Variants in DNAJC6 observed in about 807,000 individuals in gnomAD.
DNAJC6 encodes auxilin.
A neutral mutation model predicts 110.0 loss-of-function variants in DNAJC6; 34 were observed. The observed-to-expected ratio is 0.31, with a 90% CI of 0.24 to 0.41. The LOEUF is 0.41. DNAJC6 is among the 10% of genes least tolerant of loss of function. DNAJC6 has a pLI of 1.00. For missense variants in DNAJC6, 1,031 were observed against 1,207.8 expected, an observed-to-expected ratio of 0.85 and a Z score of 2.17; for synonymous variants, 406 against 437.2, an observed-to-expected ratio of 0.93 and a Z score of 0.89.
At chr1:65,360,380 G>A (rs575408103) in intron 1 of DNAJC6, among the ~76,000 whole-genome samples, 19 of 152,292 alleles carry the variant, frequency 1.2e-4, no homozygotes, top group African/African-American at 4.3e-4. Context: ...CTGAGGGATG[G>A]TGAGAGTCTG....
chr1:65,393,754 C>T (rs78763695), intron 12 of DNAJC6, among the ~76,000 whole-genome samples: 2 of 152,264 alleles, frequency 1.3e-5, no homozygotes, highest in East Asian at 3.9e-4. Context: ...GATGACTTCA[C>T]ATTAGGAAGG....
chr1:65,413,368 T>C lies in DNAJC6; in HGVS notation c.*343T>C. ...TGAAGGCATAACACCCATCACATTGTCTGAGAATAGGATTAATGAGCAAAA... is the reference window on the plus strand; with the variant it reads ...TGAAGGCATAACACCCATCACATTGCCTGAGAATAGGATTAATGAGCAAAA... On this transcript the variant is annotated 3_prime_UTR_variant, in exon 19 of 19. Coordinates refer to ENST00000371069, the MANE Select transcript of DNAJC6 (RefSeq NM_001256864.2). The C allele has an allele frequency of 5.1e-6, 1 of 194,876 alleles. No individual in the cohort carries two copies. The highest frequency in any genetic ancestry group is 1.0e-5 in the Non-Finnish European group (1 of 95,254). 12.1% of individuals were successfully genotyped at this position (194,876 alleles called of 1,614,324 possible).
At chr1:65,371,520 A>G (rs1192843983) in intron 4 of DNAJC6, among the ~76,000 whole-genome samples, 3 of 152,200 alleles carry the variant, frequency 2.0e-5, no homozygotes, top group Non-Finnish European at 4.4e-5. Flanking sequence ...GATTGACTGA[A>G]TTATCCCCAT....
chr1:65,325,156 C>G (rs901160883), intron 1 of DNAJC6, among the ~76,000 whole-genome samples: 1 of 152,166 alleles, frequency 6.6e-6, no homozygotes, highest in Non-Finnish European at 1.5e-5. Context: ...TGGAGGCAGC[C>G]GAGGTCCTAG....
Position 65,392,378 on chromosome 1 carries a change from C to A in DNAJC6, c.1469-53C>A, listed in dbSNP as rs372341995. The stretch of plus-strand genomic sequence containing the variant: ...TATATACATATATTATAACAAAAAC[C>A]AACAATGCTGTGGTCAGCAACTAAT... On this transcript the variant is annotated intron_variant, in intron 11 of 18. Transcript: ENST00000371069. 2.1e-5 allele frequency: 31 copies of A among 1,478,442 alleles called. No homozygotes were observed. The South Asian group carries it at 3.9e-4, about 19-fold the overall frequency. The allele number at this position is 1,478,442 out of a possible 1,614,324, so 91.6% of individuals were successfully genotyped here.
chr1:65,312,445 T>C (rs1006222393), intron 1 of DNAJC6, among the ~76,000 whole-genome samples: 2 of 152,180 alleles, frequency 1.3e-5, no homozygotes, highest in Non-Finnish European at 2.9e-5. Context: ...AATATATCCA[T>C]TTGTTTAGTA....
chr1:65,351,456 A>AT (rs1246735345), intron 1 of DNAJC6, among the ~76,000 whole-genome samples: 1 of 152,224 alleles, frequency 6.6e-6, no homozygotes, highest in Admixed American at 6.5e-5. Flanking sequence ...TAAAGTAGAT[A>AT]TAAAGTATTC....
At chr1:65,311,157 C>T (rs551498428) in intron 1 of DNAJC6, among the ~76,000 whole-genome samples, 10 of 144,264 alleles carry the variant, frequency 6.9e-5, no homozygotes, top group South Asian at 4.5e-4. Context: ...GGGACATTCT[C>T]TTAGACCATT....
upstream of DNAJC6, among the ~76,000 whole-genome samples, chr1:65,308,395 T>TA (rs1440710033): frequency 2.6e-5 from 4 of 152,222 alleles, no homozygotes; most frequent in African/African-American, 9.6e-5. Context: ...AACCAAGACT[T>TA]ACTTGATCTT....
rs200535972 is a variant in DNAJC6, at chr1:65,366,048, T to C, written c.395T>C (p.Val132Ala). ...TCTTTCTGTGTGATCTCTCTCCTAGTGATGTCCTTTCCTCTGGACAATGTT... is the reference window on the plus strand; with the variant it reads ...TCTTTCTGTGTGATCTCTCTCCTAGCGATGTCCTTTCCTCTGGACAATGTT... Reference protein sequence around the residue: ...DFTYVTSRIIVMSFPLDNVDI... With the variant: ...DFTYVTSRIIAMSFPLDNVDI... The change falls in exon 4 of 19, where the codon GTG becomes GCG. Residue 132 changes from valine to alanine, a missense_variant and splice_region_variant. Physicochemically the swap from Val to Ala is moderately conservative, Grantham distance 64 (BLOSUM62 0). Coordinates refer to ENST00000371069, the MANE Select transcript of DNAJC6 (RefSeq NM_001256864.2). 7 of 1,613,844 alleles carry C rather than the reference T, an allele frequency of 4.3e-6. No individual in the cohort carries two copies. Among genetic ancestry groups the C allele is most frequent in the Non-Finnish European group, 8.5e-7 (1 of 1,179,786 alleles).
chr1:65,283,300 A>AC (rs1339283211), intron 1 of DNAJC6, among the ~76,000 whole-genome samples: 1 of 151,846 alleles, frequency 6.6e-6, no homozygotes, highest in Non-Finnish European at 1.5e-5. Flanking sequence ...CTTTATGGCC[A>AC]CCTCCATTTC....
intron 1 of DNAJC6, among the ~76,000 whole-genome samples, chr1:65,320,724 G>A (rs1051327672): frequency 6.6e-6 from 1 of 152,198 alleles, no homozygotes; most frequent in Non-Finnish European, 1.5e-5. Flanking sequence ...TGCATGAGCA[G>A]TGAACAAAGA....
intron 6 of DNAJC6, 108 bp from the exon 7 acceptor site, chr1:65,385,604 A>C: frequency 2.1e-6 from 2 of 962,330 alleles, no homozygotes; most frequent in Non-Finnish European, 2.9e-6. Flanking sequence ...TGATAGAATA[A>C]GTTTTTATTA....
At chr1:65,384,138 G>A in intron 5 of DNAJC6, 55 bp from the exon 6 acceptor site, 1 of 1,359,972 alleles carries the variant, frequency 7.4e-7, no homozygotes, top group Non-Finnish European at 9.6e-7. Context: ...CATTTTCAAT[G>A]GAGAATGGCT....
intron 1 of DNAJC6, among the ~76,000 whole-genome samples, chr1:65,319,473 G>A (rs1394367708): frequency 6.6e-6 from 1 of 152,174 alleles, no homozygotes; most frequent in Non-Finnish European, 1.5e-5. Context: ...AGGCCAGTAC[G>A]GTGTCTGTAT....
At chr1:65,378,050 C>T (rs1017171141) in intron 4 of DNAJC6, among the ~76,000 whole-genome samples, 7 of 151,632 alleles carry the variant, frequency 4.6e-5, no homozygotes, top group Non-Finnish European at 8.8e-5. Flanking sequence ...ACACTGCCAC[C>T]ATGTATCACC....
At chr1:65,338,954 G>A (rs376292347) in intron 1 of DNAJC6, among the ~76,000 whole-genome samples, 2 of 152,180 alleles carry the variant, frequency 1.3e-5, no homozygotes, top group African/African-American at 4.8e-5. Context: ...TTGCTCTCAG[G>A]TGCTCTCCTC....
At chr1:65,411,223 A>C (rs1184321205) in intron 17 of DNAJC6, 27 bp from the exon 18 acceptor site, 6 of 1,598,170 alleles carry the variant, frequency 3.8e-6, no homozygotes, top group Non-Finnish European at 8.6e-7. Flanking sequence ...AAGCATTTGA[A>C]TTTCTTAATC....
At chr1:65,349,966 G>A (rs1198985475) in intron 1 of DNAJC6, among the ~76,000 whole-genome samples, 1 of 152,118 alleles carries the variant, frequency 6.6e-6, no homozygotes, top group African/African-American at 2.4e-5. Flanking sequence ...ATAGAGGCTA[G>A]GGATGCTGCC....
Sources: gnomAD v4.1 joint callset for allele counts (sites outside exome capture counted in the v4.1 genomes callset) on GRCh38, gnomAD v4.1.1 for gene constraint, MANE v1.5 for transcripts, NCBI Gene and HGNC (gene_info 2026-07-23, HGNC 2026-07-21) for gene names.